The following NEGR1 variants were observed in gnomAD, a reference collection of about 807,000 sequenced individuals.
The protein encoded by NEGR1 is IgLON family member 4.
Under a neutral mutation model 40.9 loss-of-function variants are expected in NEGR1, and 10 were observed. The observed-to-expected ratio is 0.24, with a 90% CI of 0.15 to 0.42. NEGR1 has a LOEUF of 0.42. Ranked by LOEUF, NEGR1 falls within the 10% of genes least tolerant of loss-of-function variation. The pLI is 1.00. For synonymous variants in NEGR1, 185 were observed against 166.8 expected, an observed-to-expected ratio of 1.11 and a Z score of -0.84; for missense variants, 352 against 438.9, an observed-to-expected ratio of 0.80 and a Z score of 1.77.
intron 3 of NEGR1, among the ~76,000 whole-genome samples, chr1:71,700,908 G>A (rs1307160426): frequency 6.6e-6 from 1 of 151,886 alleles, no homozygotes; most frequent in Non-Finnish European, 1.5e-5. Context: ...GAGTCAAAGA[G>A]ATGAAAAATG....
intron 1 of NEGR1, among the ~76,000 whole-genome samples, chr1:71,993,657 C>T (rs565422290): frequency 6.2e-4 from 94 of 152,158 alleles, no homozygotes; most frequent in African/African-American, 1.8e-3. Context: ...ATGCTCAGGG[C>T]GTGCCACAAA....
intron 1 of NEGR1, among the ~76,000 whole-genome samples, chr1:72,281,075 CTTAGGGGTAAAATCAG>C (rs913199794): frequency 6.6e-6 from 1 of 152,090 alleles, no homozygotes; most frequent in African/African-American, 2.4e-5. Flanking sequence ...TGCAGTGTTG[CTTAGGGGTAAAATCAG>C]GGTATGGATG....
intron 1 of NEGR1, among the ~76,000 whole-genome samples, chr1:72,263,511 T>C (rs1022637036): frequency 6.6e-6 from 1 of 151,690 alleles, no homozygotes; most frequent in Non-Finnish European, 1.5e-5. Context: ...TCTTTGAAAT[T>C]ACCTATGCAA....
chr1:72,250,816 C>A (rs1292827776), intron 1 of NEGR1, among the ~76,000 whole-genome samples: 2 of 152,134 alleles, frequency 1.3e-5, no homozygotes, highest in Non-Finnish European at 2.9e-5. Context: ...ATGTGATTTT[C>A]CCTGCCAGCA....
chr1:71,883,035 T>C (rs943045517), intron 2 of NEGR1, among the ~76,000 whole-genome samples: 3 of 152,164 alleles, frequency 2.0e-5, no homozygotes, highest in Admixed American at 6.6e-5. Context: ...ATTCAATATA[T>C]GTAAATTTAC....
intron 1 of NEGR1, among the ~76,000 whole-genome samples, chr1:72,280,643 G>A (rs761627394): frequency 6.6e-6 from 1 of 152,040 alleles, no homozygotes; most frequent in Non-Finnish European, 1.5e-5. Context: ...TTTGTATATA[G>A]TGGCATTTGT....
intron 3 of NEGR1, among the ~76,000 whole-genome samples, chr1:71,735,551 T>C (rs1242950067): frequency 2.0e-5 from 3 of 151,916 alleles, no homozygotes; most frequent in Non-Finnish European, 2.9e-5. Flanking sequence ...TATAGGAGCA[T>C]AGTACAATTA....
At chr1:72,243,532 C>T (rs1213075560) in intron 1 of NEGR1, among the ~76,000 whole-genome samples, 1 of 151,800 alleles carries the variant, frequency 6.6e-6, no homozygotes, top group Non-Finnish European at 1.5e-5. Flanking sequence ...TCTGTTTTTA[C>T]CACTGGACTT....
At chr1:71,909,947 T>C (rs1376380353) in intron 2 of NEGR1, among the ~76,000 whole-genome samples, 3 of 152,206 alleles carry the variant, frequency 2.0e-5, no homozygotes. Context: ...TACTTAAATA[T>C]GCTACAGATT....
At chr1:71,526,921 A>G (rs901248535) in intron 6 of NEGR1, among the ~76,000 whole-genome samples, 1 of 151,512 alleles carries the variant, frequency 6.6e-6, no homozygotes. Flanking sequence ...TCCAGAAATT[A>G]TTTGAAGTTT....
At chr1:71,456,401 C>T (rs1037441162) in intron 6 of NEGR1, among the ~76,000 whole-genome samples, 1 of 152,158 alleles carries the variant, frequency 6.6e-6, no homozygotes, top group Non-Finnish European at 1.5e-5. Context: ...AACCATCACA[C>T]CTGGCCTCAG....
At chr1:71,988,592 A>G (rs1646422675) in intron 1 of NEGR1, among the ~76,000 whole-genome samples, 2 of 151,150 alleles carry the variant, frequency 1.3e-5, no homozygotes, top group South Asian at 4.2e-4. Flanking sequence ...GAAATAAGAC[A>G]GAAAATAGAA....
In NEGR1 at chr1:72,214,000, CA is replaced by C. The variant is rs918569890; in HGVS notation, c.176+68318del. Among the ~76,000 whole-genome samples, 35 of 152,162 alleles carry C rather than the reference CA, an allele frequency of 2.3e-4. 1 individual carries two copies. The highest frequency in any genetic ancestry group is 2.0e-3 in the Admixed American group (30 of 15,262). On this transcript the variant is annotated intron_variant, in intron 1 of 6. Transcript: ENST00000357731. ...TGGCAAAATGAATCTAGCGGCACAT[CA>C]AAAAGCTGATCCACCACAATCAAGT... is the stretch of plus-strand genomic sequence containing the variant.
intron 4 of NEGR1, among the ~76,000 whole-genome samples, chr1:71,672,424 A>C (rs1652468035): frequency 6.6e-6 from 1 of 152,210 alleles, no homozygotes; most frequent in Non-Finnish European, 1.5e-5. Context: ...AAGATTATCT[A>C]TTCTATTAAG....
intron 3 of NEGR1, among the ~76,000 whole-genome samples, chr1:71,699,755 T>C (rs538912157): frequency 6.6e-6 from 1 of 152,024 alleles, no homozygotes; most frequent in South Asian, 2.1e-4. Flanking sequence ...TCAACTTGAA[T>C]TGTATCTCCC....
intron 4 of NEGR1, among the ~76,000 whole-genome samples, chr1:71,628,591 C>A (rs1413717105): frequency 2.0e-5 from 3 of 151,654 alleles, no homozygotes; most frequent in Non-Finnish European, 2.9e-5. Flanking sequence ...CAGGCCCCGT[C>A]GTGTGATATT....
chr1:71,441,386 C>T (rs997374578), intron 6 of NEGR1, among the ~76,000 whole-genome samples: 1 of 152,150 alleles, frequency 6.6e-6, no homozygotes, highest in Admixed American at 6.5e-5. Flanking sequence ...ATTTCCCTGC[C>T]TCATGACTTT....
intron 6 of NEGR1, among the ~76,000 whole-genome samples, chr1:71,498,799 C>T (rs1256687041): frequency 6.6e-6 from 1 of 152,094 alleles, no homozygotes; most frequent in Non-Finnish European, 1.5e-5. Flanking sequence ...AGATCATTTG[C>T]CTTAATCATA....
At chr1:71,571,209 A>G (rs1191489452) in intron 6 of NEGR1, among the ~76,000 whole-genome samples, 2 of 152,206 alleles carry the variant, frequency 1.3e-5, no homozygotes, top group East Asian at 1.9e-4. Context: ...TGGGACAGAC[A>G]TATCTAAAGT....
Sources: allele counts gnomAD v4.1 joint callset (sites outside exome capture counted in the v4.1 genomes callset), GRCh38; gene constraint gnomAD v4.1.1; transcripts MANE v1.5; gene names NCBI Gene and HGNC (gene_info 2026-07-23, HGNC 2026-07-21).